LCN15: variants seen among roughly 807,000 people sequenced by gnomAD.
LCN15 encodes the protein lipocalin 15.
A neutral mutation model predicts 23.1 loss-of-function variants in LCN15; 26 were observed. The ratio of observed to expected loss-of-function variants is 1.13; its 90% CI spans 0.82 to 1.56. LCN15 has a LOEUF of 1.56. Among genes scored for constraint, LCN15 ranks in the 40% most tolerant of loss-of-function variants. The pLI, the probability that LCN15 is intolerant of heterozygous loss-of-function variation, is 0.00. For synonymous variants in LCN15, 107 were observed against 98.3 expected (o/e 1.09, Z -0.52); for missense variants, 241 against 239.5 (o/e 1.01, Z -0.04).
At chr9:136,762,012 G>C (rs537327809) in intron 5 of LCN15, among the ~76,000 whole-genome samples, 159 bp from the exon 6 acceptor site, 36 of 152,278 alleles carry the variant, frequency 2.4e-4, no homozygotes, top group South Asian at 2.1e-3. Flanking sequence ...AGCCTCTCCC[G>C]TAGTCTGTTC....
Position 136,761,588 on chromosome 9 carries a change from T to C in LCN15, c.*32+199A>G, listed in dbSNP as rs889172582. Among the ~76,000 whole-genome samples, 3 of 152,134 alleles carry C rather than the reference T, an allele frequency of 2.0e-5. No individual in the cohort carries two copies. The highest frequency in any genetic ancestry group is 7.2e-5 in the African/African-American group (3 of 41,432). Reference sequence around the variant, plus strand: ...ACTTCTGCTGTTTTAAGTCGCCCCATTTGTGGTACTCTGTGATGGGTACCT... The same window carrying C: ...ACTTCTGCTGTTTTAAGTCGCCCCACTTGTGGTACTCTGTGATGGGTACCT... On this transcript the variant is annotated intron_variant, in intron 6 of 6. Coordinates refer to ENST00000316144, the MANE Select transcript of LCN15 (RefSeq NM_203347.2). This position sits in a 1 kb window ranked among gnomAD's most constrained non-coding sequence, Gnocchi z 4.2.
At chr9:136,760,224 C>T (rs912129693) in intron 6 of LCN15, among the ~76,000 whole-genome samples, 8 of 152,242 alleles carry the variant, frequency 5.3e-5, no homozygotes, top group African/African-American at 1.4e-4. Flanking sequence ...AAGATCATGG[C>T]GGGATGGGGC....
At chr9:136,764,309 G>A in intron 1 of LCN15, 84 bp downstream of exon 1, 1 of 1,374,596 alleles carries the variant, frequency 7.3e-7, no homozygotes, top group Non-Finnish European at 1.0e-6. Context: ...AGCGCCCCAG[G>A]AAAGGCAGTT....
At chr9:136,762,123 G>T in intron 5 of LCN15, 65 bp downstream of exon 5, 2 of 1,034,734 alleles carry the variant, frequency 1.9e-6, no homozygotes, top group Non-Finnish European at 2.8e-6. Flanking sequence ...GGGAAGGAAG[G>T]GTGGGCTCAT....
At chr9:136,763,226 GA>G (rs144628462) in intron 4 of LCN15, 130 bp downstream of exon 4, 76,284 of 574,834 alleles carry the variant, frequency 0.13, 5,405 homozygotes, top group Admixed American at 0.18. Flanking sequence ...GCGGGGGGCG[GA>G]GGGGTGAGGG....
chr9:136,763,927 G>C lies in LCN15; in HGVS notation c.179C>G (p.Thr60Ser), dbSNP rs757078943. 1 of 1,613,678 alleles carries C rather than the reference G, an allele frequency of 6.2e-7. No individual in the cohort carries two copies. Among genetic ancestry groups the C allele is most frequent in the South Asian group, 1.1e-5 (1 of 91,084 alleles). Reference sequence around the variant, plus strand: ...CTCCTCTGTGGGCCTGATGGCCCTGGTGGACATGGACAGGTGGTCCTTCTT... The same window carrying C: ...CTCCTCTGTGGGCCTGATGGCCCTGCTGGACATGGACAGGTGGTCCTTCTT... Reference protein sequence around the residue: ...LGKKDHLSMSTRAIRPTEEGG... With the variant: ...LGKKDHLSMSSRAIRPTEEGG... Residue 60 changes from threonine (T) to serine (S), a missense_variant, in exon 2 of 7, where the codon ACC (threonine) becomes AGC (serine). Physicochemically the swap from Thr to Ser is moderately conservative, Grantham distance 58. Coordinates refer to ENST00000316144, the MANE Select transcript of LCN15 (RefSeq NM_203347.2).
intron 6 of LCN15, among the ~76,000 whole-genome samples, chr9:136,760,012 C>T (rs534776839): frequency 6.6e-6 from 1 of 152,358 alleles, no homozygotes; most frequent in African/African-American, 2.4e-5. Flanking sequence ...TCCCCACCTT[C>T]CCCGGCGCGG....
Position 136,764,492 on chromosome 9 carries a change from C to T in LCN15, c.-4G>A, listed in dbSNP as rs1847357857. The stretch of plus-strand genomic sequence containing the variant: ...CGCCGAGCAGGAATGACATCATCCC[C>T]TCCCCTGCCCTCCAGCCCCTGGTGC... On this transcript the variant is annotated 5_prime_UTR_variant, in exon 1 of 7. Coordinates refer to ENST00000316144, the MANE Select transcript of LCN15 (RefSeq NM_203347.2). 1.2e-6 allele frequency: 2 copies of T among 1,609,094 alleles called. No homozygotes were observed. Among genetic ancestry groups the T allele is most frequent in the East Asian group, 2.2e-5 (1 of 44,714 alleles).
At chr9:136,763,029 C>G (rs1301205216) in intron 4 of LCN15, among the ~76,000 whole-genome samples, 3 of 150,956 alleles carry the variant, frequency 2.0e-5, no homozygotes, top group African/African-American at 7.3e-5. Flanking sequence ...GAGGAGCATG[C>G]ACCGCGGGAC....
chr9:136,761,692 CG>C lies in LCN15; in HGVS notation c.*32+94del. ...AGCATGGGGTCGCCAGGCAGAACAGCGGGGCAGGCATGGGGCAGACAGAACC... is the reference window on the plus strand; with the variant it reads ...AGCATGGGGTCGCCAGGCAGAACAGCGGGCAGGCATGGGGCAGACAGAACC... On this transcript the variant is annotated intron_variant, in intron 6 of 6. Transcript: ENST00000316144. This position sits in a 1 kb window ranked among gnomAD's most constrained non-coding sequence, Gnocchi z 4.2. 1 of 521,594 alleles carries C rather than the reference CG, an allele frequency of 1.9e-6. No individual in the cohort carries two copies. Among genetic ancestry groups the C allele is most frequent in the Non-Finnish European group, 3.0e-6 (1 of 335,860 alleles). The allele number at this position is 521,594 out of a possible 1,614,324, so 32.3% of individuals were successfully genotyped here. A position where few individuals can be genotyped will look rare whatever the true frequency, so the allele number is the denominator to read the frequency against.
Position 136,761,733 on chromosome 9 carries a change from G to A in LCN15, c.*32+54C>T, listed in dbSNP as rs949747249. 19 of 859,988 alleles carry A rather than the reference G, an allele frequency of 2.2e-5. No homozygotes were observed. The highest frequency in any genetic ancestry group is 4.8e-4 in the Middle Eastern group (2 of 4,200). 53.3% of individuals were successfully genotyped at this position (859,988 alleles called of 1,614,324 possible). On this transcript the variant is annotated intron_variant, in intron 6 of 6. Coordinates refer to ENST00000316144, the MANE Select transcript of LCN15 (RefSeq NM_203347.2). The surrounding 1 kb of genome is among the most constrained non-coding windows in gnomAD (Gnocchi z 4.2). ...CAGACAGAACCAGATGTCAAGCTGC[G>A]ATAGGGAGGGGAGAGGCAACCAGGG...
chr9:136,760,227 G>T (rs1193268404), intron 6 of LCN15, among the ~76,000 whole-genome samples: 1 of 152,240 alleles, frequency 6.6e-6, no homozygotes, highest in African/African-American at 2.4e-5. Context: ...ATCATGGCGG[G>T]ATGGGGCTAC....
chr9:136,763,753 C>T lies in LCN15; in HGVS notation c.267G>A (p.Glu89=), dbSNP rs1447082399. The stretch of plus-strand genomic sequence containing the variant: ...GTCCCTCGGAGCCCACCTTCAGGTA[C>T]TCGGCATCCACCTGGTTACAGCCGT... ...GADGCNQVDA[E]YLKVGSEGHF... Residue 89 remains glutamate (E), a synonymous_variant, in exon 3 of 7, where the codon GAG becomes GAA. Coordinates refer to ENST00000316144, the MANE Select transcript of LCN15 (RefSeq NM_203347.2). 2.5e-6 allele frequency: 4 copies of T among 1,613,418 alleles called. No homozygotes were observed. Among genetic ancestry groups the T allele is most frequent in the Non-Finnish European group, 3.4e-6 (4 of 1,179,972 alleles).
At chr9:136,762,361 C>G in intron 4 of LCN15, 72 bp from the exon 5 acceptor site, 2 of 877,194 alleles carry the variant, frequency 2.3e-6, no homozygotes, top group East Asian at 2.8e-5. Flanking sequence ...TGGCCTCACT[C>G]CACCAGCCTG....
At position 136,761,899 on chromosome 9, in the gene LCN15, C is replaced by A; in HGVS notation, c.521-46G>T. ...GTGAGATGCTGACGGCCAGGACCGC[C>A]CTCGCTTCCCGCAGCCCCCAACCCC... On this transcript the variant is annotated intron_variant, in intron 5 of 6. Transcript: ENST00000316144. The surrounding 1 kb of genome is among the most constrained non-coding windows in gnomAD (Gnocchi z 4.2). The A allele has an allele frequency of 7.6e-7, 1 of 1,319,596 alleles. No individual in the cohort carries two copies. Among genetic ancestry groups the A allele is most frequent in the East Asian group, 3.1e-5 (1 of 32,440 alleles). The allele number at this position is 1,319,596 out of a possible 1,614,324, so 81.7% of individuals were successfully genotyped here. A position where few individuals can be genotyped will look rare whatever the true frequency, so the allele number is the denominator to read the frequency against.
chr9:136,762,885 T>G (rs1344251159), intron 4 of LCN15, among the ~76,000 whole-genome samples: 2 of 139,602 alleles, frequency 1.4e-5, no homozygotes, highest in Non-Finnish European at 3.0e-5. Flanking sequence ...ATCGCGCCAC[T>G]GCACTCCAGC....
chr9:136,760,412 C>T (rs1159253035), intron 6 of LCN15, among the ~76,000 whole-genome samples: 1 of 152,100 alleles, frequency 6.6e-6, no homozygotes, highest in African/African-American at 2.4e-5. Flanking sequence ...GGAGTGGAGG[C>T]GAAGCTCATG....
chr9:136,764,107 G>T, intron 1 of LCN15, 98 bp from the exon 2 acceptor site: 1 of 1,480,346 alleles, frequency 6.8e-7, no homozygotes, highest in Non-Finnish European at 9.2e-7. Context: ...CACAGCAAGG[G>T]GTCTCGGAGT....
At chr9:136,760,700 G>T (rs956862057) in intron 6 of LCN15, among the ~76,000 whole-genome samples, 1 of 152,252 alleles carries the variant, frequency 6.6e-6, no homozygotes, top group South Asian at 2.1e-4. Context: ...GGCACTGCGC[G>T]CGAAGGCTGT....
Sources: allele counts gnomAD v4.1 joint callset (sites outside exome capture counted in the v4.1 genomes callset), GRCh38; gene constraint gnomAD v4.1.1; non-coding constraint Gnocchi (gnomAD v3.1); transcripts MANE v1.5; gene names NCBI Gene and HGNC (gene_info 2026-07-23, HGNC 2026-07-21).